GRM7: variants seen among roughly 807,000 people sequenced by gnomAD.
GRM7 encodes the protein metabotropic glutamate receptor 7.
GRM7 carries 35 observed loss-of-function variants against 84.5 expected under a neutral mutation model. That is an observed-to-expected ratio of 0.41 (90% CI 0.32 to 0.55). The LOEUF (loss-of-function observed/expected upper bound fraction) is 0.55. Ranked by LOEUF, GRM7 falls within the 20% of genes least tolerant of loss-of-function variation. The pLI, the probability that GRM7 is intolerant of heterozygous loss-of-function variation, is 0.19. For synonymous variants in GRM7, 487 were observed against 455.1 expected (o/e 1.07, Z -0.89); for missense variants, 1,003 against 1,194.6 (o/e 0.84, Z 2.36).
intron 1 of GRM7, among the ~76,000 whole-genome samples, chr3:7,039,577 A>G (rs986505544): frequency 6.6e-6 from 1 of 152,314 alleles, no homozygotes; most frequent in East Asian, 1.9e-4. Flanking sequence ...TGCATGTTAC[A>G]TGTATAATAT....
At chr3:7,552,168 CA>C (rs1420785395) in intron 7 of GRM7, among the ~76,000 whole-genome samples, 1 of 152,196 alleles carries the variant, frequency 6.6e-6, no homozygotes, top group Non-Finnish European at 1.5e-5. Flanking sequence ...GCCAGGCAGT[CA>C]AATCTTAAAG....
chr3:7,538,549 A>C (rs765297622), intron 7 of GRM7, among the ~76,000 whole-genome samples: 9 of 152,236 alleles, frequency 5.9e-5, no homozygotes, highest in African/African-American at 1.4e-4. Flanking sequence ...GAAAAACATC[A>C]AGGTTTAATG....
At chr3:7,710,177 C>G (rs1438355017) in intron 9 of GRM7, among the ~76,000 whole-genome samples, 1 of 152,026 alleles carries the variant, frequency 6.6e-6, no homozygotes, top group Non-Finnish European at 1.5e-5. Flanking sequence ...TTCATTTTAA[C>G]TTGGGTTTAT....
intron 4 of GRM7, among the ~76,000 whole-genome samples, chr3:7,392,154 G>A (rs1695027759): frequency 6.6e-6 from 1 of 152,104 alleles, no homozygotes; most frequent in African/African-American, 2.4e-5. Flanking sequence ...CTTCCCTTCT[G>A]CCTCTCAGAC....
intron 1 of GRM7, among the ~76,000 whole-genome samples, chr3:6,866,069 G>T (rs937317690): frequency 2.0e-5 from 3 of 152,262 alleles, no homozygotes; most frequent in South Asian, 2.1e-4. Context: ...TGTGTATTTC[G>T]TGTATACATA....
At chr3:7,708,478 G>T (rs190260263) in intron 9 of GRM7, among the ~76,000 whole-genome samples, 3 of 152,146 alleles carry the variant, frequency 2.0e-5, no homozygotes, top group Non-Finnish European at 4.4e-5. Flanking sequence ...GAGAGGTGAC[G>T]TCTGATCCAT....
At position 7,043,966 on chromosome 3, in the gene GRM7, C is replaced by T. The variant is rs58384173; in HGVS notation, c.520-102486C>T. Reference sequence around the variant, plus strand: ...AGTAGCTGGGAATACAGGCATGTACCGCCCCCCTGGTTCAAGCTTTTGCAT... The same window carrying T: ...AGTAGCTGGGAATACAGGCATGTACTGCCCCCCTGGTTCAAGCTTTTGCAT... On this transcript the variant is annotated intron_variant, in intron 1 of 9. Coordinates refer to ENST00000357716, the MANE Select transcript of GRM7 (RefSeq NM_000844.4). Among the ~76,000 whole-genome samples, 631 of 152,284 alleles carry T rather than the reference C, an allele frequency of 4.1e-3. 3 individuals carry two copies. The highest frequency in any genetic ancestry group is 0.015 in the African/African-American group (611 of 41,574).
chr3:7,235,065 A>T (rs1697306395), intron 2 of GRM7, among the ~76,000 whole-genome samples: 1 of 152,174 alleles, frequency 6.6e-6, no homozygotes, highest in South Asian at 2.1e-4. Context: ...CATCTCCCTC[A>T]TTAGAATAAA....
chr3:7,736,610 G>T lies in GRM7; in HGVS notation c.2699-3747G>T, dbSNP rs76986128. ...ATAGTTTATGGACAACACTGTAGTA[G>T]CAAGAGCACACATCCCAAGTTCAGG... On this transcript the variant is annotated intron_variant, in intron 9 of 9. Coordinates refer to ENST00000357716, the MANE Select transcript of GRM7 (RefSeq NM_000844.4). Among the ~76,000 whole-genome samples, 1,224 of 152,254 alleles carry T rather than the reference G, an allele frequency of 8.0e-3. 41 individuals carry two copies. The highest frequency in any genetic ancestry group is 0.069 in the South Asian group (333 of 4,826).
chr3:7,561,132 C>G (rs1694007890), intron 7 of GRM7, among the ~76,000 whole-genome samples: 1 of 152,148 alleles, frequency 6.6e-6, no homozygotes, highest in Admixed American at 6.5e-5. Flanking sequence ...TCATCACCAT[C>G]TGTGAATCTA....
intron 7 of GRM7, among the ~76,000 whole-genome samples, chr3:7,467,998 A>G (rs1698532329): frequency 1.3e-5 from 2 of 152,236 alleles, no homozygotes; most frequent in African/African-American, 4.8e-5. Context: ...TGGCTGTCAC[A>G]GACACCTAAG....
chr3:7,688,466 G>T (rs1575634283), intron 9 of GRM7, among the ~76,000 whole-genome samples: 1 of 151,706 alleles, frequency 6.6e-6, no homozygotes, highest in African/African-American at 2.4e-5. Context: ...ATTATATTTG[G>T]TTCCCTTTTC....
chr3:6,966,718 A>C (rs925057138), intron 1 of GRM7, among the ~76,000 whole-genome samples: 1 of 152,238 alleles, frequency 6.6e-6, no homozygotes, highest in Non-Finnish European at 1.5e-5. Flanking sequence ...GGTGGCTTAA[A>C]GTCAGATATA....
intron 9 of GRM7, among the ~76,000 whole-genome samples, chr3:7,712,624 A>G (rs1701620663): frequency 6.8e-6 from 1 of 146,934 alleles, no homozygotes; most frequent in Non-Finnish European, 1.5e-5. Context: ...TTTGATTTTT[A>G]TTTTTTCTTT....
At chr3:7,129,307 C>T (rs1693512100) in intron 1 of GRM7, among the ~76,000 whole-genome samples, 1 of 152,194 alleles carries the variant, frequency 6.6e-6, no homozygotes, top group Non-Finnish European at 1.5e-5. Flanking sequence ...AAATGATCAG[C>T]CGTTATCCGT....
At chr3:7,195,850 C>A (rs1052796110) in intron 2 of GRM7, among the ~76,000 whole-genome samples, 6 of 152,078 alleles carry the variant, frequency 3.9e-5, no homozygotes, top group African/African-American at 1.2e-4. Flanking sequence ...ACAGTGGCTT[C>A]CCATTTTAAC....
rs181622243 is a variant in GRM7, at chr3:6,928,948, G to A, written c.519+67041G>A. The stretch of plus-strand genomic sequence containing the variant: ...TTTTGATTAGATGCCTTGGGTCAGT[G>A]CTTAGTTAATATCTTGCACCACTTG... On this transcript the variant is annotated intron_variant, in intron 1 of 9. Coordinates refer to ENST00000357716, the MANE Select transcript of GRM7 (RefSeq NM_000844.4). This position sits in a 1 kb window ranked among gnomAD's most constrained non-coding sequence, Gnocchi z 4.5. Among the ~76,000 whole-genome samples, 191 of 152,284 alleles carry A rather than the reference G, an allele frequency of 1.3e-3. 1 individual carries two copies. Among genetic ancestry groups the A allele is most frequent in the African/African-American group, 4.4e-3 (182 of 41,564 alleles).
intron 4 of GRM7, among the ~76,000 whole-genome samples, chr3:7,339,765 T>C (rs1459856863): frequency 1.3e-5 from 2 of 152,114 alleles, no homozygotes; most frequent in Non-Finnish European, 2.9e-5. Context: ...CTCTGGGTGT[T>C]TGGAGGAATG....
At chr3:7,155,414 G>T (rs1411280467) in intron 2 of GRM7, among the ~76,000 whole-genome samples, 1 of 151,848 alleles carries the variant, frequency 6.6e-6, no homozygotes, top group African/African-American at 2.4e-5. Context: ...GTAAAAAGGA[G>T]TAGGCTTTAA....
Sources: allele counts gnomAD v4.1 joint callset (sites outside exome capture counted in the v4.1 genomes callset), GRCh38; gene constraint gnomAD v4.1.1; non-coding constraint Gnocchi (gnomAD v3.1); transcripts MANE v1.5; gene names NCBI Gene and HGNC (gene_info 2026-07-23, HGNC 2026-07-21).